SLC19A1: variants seen among roughly 807,000 people sequenced by gnomAD.
The protein encoded by SLC19A1 is solute carrier family 19 member 1.
In SLC19A1, 37 loss-of-function variants were observed where a neutral mutation model predicts 35.3. The observed-to-expected ratio is 1.05, with a 90% CI of 0.81 to 1.38. The LOEUF is 1.38. Ranked by LOEUF, SLC19A1 falls within the 40% of genes most tolerant of loss-of-function variation. SLC19A1 has a pLI of 0.00. For missense variants in SLC19A1, 831 were observed against 826.9 expected, an observed-to-expected ratio of 1.00 and a Z score of -0.06; for synonymous variants, 460 against 398.5, an observed-to-expected ratio of 1.15 and a Z score of -1.84.
In SLC19A1 at chr21:45,515,361, C is replaced by A; in HGVS notation, c.*297G>T. 8 of 1,437,884 alleles carry A rather than the reference C, an allele frequency of 5.6e-6. No individual in the cohort carries two copies. Among genetic ancestry groups the A allele is most frequent in the Non-Finnish European group, 7.2e-6 (8 of 1,105,904 alleles). The allele number at this position is 1,437,884 out of a possible 1,614,324, so 89.1% of individuals were successfully genotyped here. A position where few individuals can be genotyped will look rare whatever the true frequency, so the allele number is the denominator to read the frequency against. On this transcript the variant is annotated 3_prime_UTR_variant, in exon 6 of 6. Coordinates refer to ENST00000311124, the MANE Select transcript of SLC19A1 (RefSeq NM_194255.4). Reference sequence around the variant, plus strand: ...GGGGGCAGAAAGGATTTGTCTCAAGCCCCCCAAGGGGCATGAGCCAGTGAG... The same window carrying A: ...GGGGGCAGAAAGGATTTGTCTCAAGACCCCCAAGGGGCATGAGCCAGTGAG...
At chr21:45,509,284 A>G (rs1367809879), downstream of SLC19A1, 1 of 1,529,122 alleles carries the variant, frequency 6.5e-7, no homozygotes, top group African/African-American at 1.4e-5. Flanking sequence ...CCCAGCCCAG[A>G]GGAGGACACA....
Position 45,530,769 on chromosome 21 carries a change from C to T in SLC19A1, c.1151+1G>A, listed in dbSNP as rs1029951494. ...CGGCTTCCCACCCTTCTGGAACTCA[C>T]GTGGCGATGGGCACGAGGAACTGGT... is the stretch of plus-strand genomic sequence containing the variant. On this transcript the variant is annotated splice_donor_variant, in intron 4 of 5. Transcript: ENST00000311124. LOFTEE classifies it high-confidence loss of function. The surrounding 1 kb of genome is among the most constrained non-coding windows in gnomAD (Gnocchi z 5.3). 8.4e-6 allele frequency: 13 copies of T among 1,554,870 alleles called. No homozygotes were observed. The highest frequency in any genetic ancestry group is 1.4e-5 in the African/African-American group (1 of 73,446).
Position 45,532,132 on chromosome 21 carries a change from G to A in SLC19A1, c.206C>T (p.Thr69Met), listed in dbSNP as rs770520822. 6 of 1,601,852 alleles carry A rather than the reference G, an allele frequency of 3.7e-6. No individual in the cohort carries two copies. Among genetic ancestry groups the A allele is most frequent in the East Asian group, 2.2e-5 (1 of 44,650 alleles). Reference sequence around the variant, plus strand: ...CAGGTAGGAGTACGACAGCACCGGCGTGATCTCGTTCGTGACCTGCGGACA... The same window carrying A: ...CAGGTAGGAGTACGACAGCACCGGCATGATCTCGTTCGTGACCTGCGGACA... ...FTREQVTNEI[T>M]PVLSYSYLAV... is the part of the protein sequence containing the mutation. Residue 69 changes from threonine (T) to methionine (M), a missense_variant, in exon 3 of 6, where the codon ACG (threonine) becomes ATG (methionine). Thr to Met is a moderately conservative substitution (Grantham distance 81). Transcript: ENST00000311124.
downstream of SLC19A1, chr21:45,509,999 CG>C: frequency 6.6e-7 from 1 of 1,508,594 alleles, no homozygotes; most frequent in Non-Finnish European, 8.9e-7. Context: ...CGGGGTGGTG[CG>C]CCCGGGGCCT....
At chr21:45,503,462 AATG>A (rs972573763) in intron 3 of SLC19A1, among the ~76,000 whole-genome samples, 102 of 152,258 alleles carry the variant, frequency 6.7e-4, no homozygotes, top group Non-Finnish European at 9.4e-4. Flanking sequence ...AGCCATAAAA[AATG>A]ATGAGTTCAT....
chr21:45,528,430 C>T (rs1372402763), intron 4 of SLC19A1, among the ~76,000 whole-genome samples: 1 of 152,192 alleles, frequency 6.6e-6, no homozygotes, highest in East Asian at 1.9e-4. Flanking sequence ...ACAGGGGCCA[C>T]TCAGTCCACA....
At chr21:45,522,274 C>A (rs1000431755) in intron 5 of SLC19A1, among the ~76,000 whole-genome samples, 11 of 152,072 alleles carry the variant, frequency 7.2e-5, no homozygotes, top group Admixed American at 7.2e-4. Flanking sequence ...CAGGGAAATG[C>A]AAATTAAAAC....
rs185962260 is a variant in SLC19A1 at position 45,538,498 on chromosome 21, G to A, written c.-49-490C>T. Among the ~76,000 whole-genome samples, 40 of 152,294 alleles carry A rather than the reference G, an allele frequency of 2.6e-4. No individual in the cohort carries two copies. The Middle Eastern group carries it at 0.01, about 39-fold the overall frequency. On this transcript the variant is annotated intron_variant, in intron 1 of 5. Coordinates refer to ENST00000311124, the MANE Select transcript of SLC19A1 (RefSeq NM_194255.4). ...AGGGAGGGCACAGGCAGGAACGGAC[G>A]CTGCTGGAGGCCGGGGTCACACCAC...
intron 1 of SLC19A1, among the ~76,000 whole-genome samples, chr21:45,538,876 C>T (rs996670536): frequency 3.5e-4 from 53 of 152,292 alleles, no homozygotes; most frequent in African/African-American, 1.2e-3. Flanking sequence ...GGGACCATCC[C>T]GCCAGCACCC....
In SLC19A1 at chr21:45,517,066, A is replaced by G. The variant is rs3788191; in HGVS notation, c.1294-926T>C. ...CTCGGGGTCTGGGGAGCTGTGCCACACAAGGGCAGACTGGCCGGGCCCTCG... is the reference window on the plus strand; with the variant it reads ...CTCGGGGTCTGGGGAGCTGTGCCACGCAAGGGCAGACTGGCCGGGCCCTCG... On this transcript the variant is annotated intron_variant, in intron 5 of 5. Transcript: ENST00000311124. This position sits in a 1 kb window ranked among gnomAD's most constrained non-coding sequence, Gnocchi z 4.4. Among the ~76,000 whole-genome samples the G allele has an allele frequency of 0.5, 75,719 of 151,680 alleles. 19,436 individuals carry two copies. The highest frequency in any genetic ancestry group is 0.63 in the African/African-American group (26,190 of 41,370).
intron 4 of SLC19A1, among the ~76,000 whole-genome samples, chr21:45,527,840 C>A (rs543960691): frequency 6.6e-6 from 1 of 151,500 alleles, no homozygotes; most frequent in African/African-American, 2.4e-5. Context: ...GGAATGAAGG[C>A]ACCACATTCC....
chr21:45,538,534 C>T (rs142577345), intron 1 of SLC19A1, among the ~76,000 whole-genome samples: 2 of 152,290 alleles, frequency 1.3e-5, no homozygotes, highest in Non-Finnish European at 2.9e-5. Context: ...AGGTGGCCAG[C>T]GGCGGGTGGC....
intron 5 of SLC19A1, among the ~76,000 whole-genome samples, chr21:45,518,895 G>A (rs1241370509): frequency 6.6e-6 from 1 of 152,004 alleles, no homozygotes; most frequent in Non-Finnish European, 1.5e-5. Context: ...TAAACAGAAA[G>A]GAAATTACTA....
Position 45,537,974 on chromosome 21 carries a change from G to A in SLC19A1, c.-15C>T, listed in dbSNP as rs768915019. 3.2e-5 allele frequency: 49 copies of A among 1,523,288 alleles called. No individual in the cohort carries two copies. Among genetic ancestry groups the A allele is most frequent in the South Asian group, 3.0e-4 (25 of 82,086 alleles). 94.4% of individuals were successfully genotyped at this position (1,523,288 alleles called of 1,614,324 possible). ...GAGGGCACCATCCTGCTCAGGCCAC[G>A]TGCAGCTCCGGAGGGGACGAAGGTG... On this transcript the variant is annotated 5_prime_UTR_variant, in exon 2 of 6. It adds an upstream start codon to the 5' untranslated region. Transcript: ENST00000311124.
downstream of SLC19A1, chr21:45,509,419 C>T (rs566518554): frequency 1.4e-5 from 22 of 1,538,544 alleles, 1 homozygote; most frequent in African/African-American, 9.6e-5. Flanking sequence ...CCCCTACCCG[C>T]GGCGGGAGCA....
At chr21:45,518,978 T>C (rs1481918076) in intron 5 of SLC19A1, among the ~76,000 whole-genome samples, 2 of 152,228 alleles carry the variant, frequency 1.3e-5, no homozygotes, top group African/African-American at 4.8e-5. Flanking sequence ...TAAAACAGAC[T>C]TTCCTTCTTT....
At position 45,506,065 on chromosome 21, in the gene SLC19A1, G is replaced by A. The variant is rs1390984907; in HGVS notation, c.498-7453C>T. 2.6e-6 allele frequency: 4 copies of A among 1,567,874 alleles called. No homozygotes were observed. The East Asian group carries it at 9.0e-5, about 35-fold the overall frequency. ...GAGGCTCAGGCCCCGGACAGGGATG[G>A]GAGCAGGTGGCAGCCAGCGCTTCTT... On this transcript the variant is annotated intron_variant, in intron 3 of 4. Coordinates refer to the SLC19A1 transcript ENST00000417954.
chr21:45,519,561 A>G (rs893442446), intron 5 of SLC19A1, among the ~76,000 whole-genome samples: 5 of 146,278 alleles, frequency 3.4e-5, no homozygotes, highest in Non-Finnish European at 6.0e-5. Context: ...GGTAAAATAA[A>G]CTTCTGAGCA....
chr21:45,511,163 C>T (rs774649540), downstream of SLC19A1: 52 of 1,601,102 alleles, frequency 3.2e-5, no homozygotes, highest in East Asian at 2.0e-4. Flanking sequence ...TCTGAGGGTC[C>T]GCTGAAGCCC....
Sources: gnomAD v4.1 joint callset for allele counts (sites outside exome capture counted in the v4.1 genomes callset) on GRCh38, gnomAD v4.1.1 for gene constraint, Gnocchi (gnomAD v3.1) non-coding constraint, MANE v1.5 for transcripts, NCBI Gene and HGNC (gene_info 2026-07-23, HGNC 2026-07-21) for gene names.